The following SLAIN1 variants were observed in gnomAD, a reference collection of about 807,000 sequenced individuals.
The protein encoded by SLAIN1 is SLAIN family member 1, also known as SLAIN motif-containing protein 1.
SLAIN1 carries 17 observed loss-of-function variants against 55.4 expected under a neutral mutation model. That is an observed-to-expected ratio of 0.31 (90% CI 0.21 to 0.46). The LOEUF (loss-of-function observed/expected upper bound fraction) is 0.46. Ranked by LOEUF, SLAIN1 falls within the 20% of genes least tolerant of loss-of-function variation. The pLI is 1.00. For synonymous variants in SLAIN1, 348 were observed against 337.4 expected (o/e 1.03, Z -0.35); for missense variants, 682 against 785.1 (o/e 0.87, Z 1.57).
chr13:77,702,402 A>G (rs1338564524), intron 1 of SLAIN1, among the ~76,000 whole-genome samples: 2 of 152,138 alleles, frequency 1.3e-5, no homozygotes, highest in Non-Finnish European at 2.9e-5. Context: ...CATACATGGG[A>G]CACAGTGTGA....
At chr13:77,730,065 T>A (rs887902221) in intron 2 of SLAIN1, among the ~76,000 whole-genome samples, 1 of 152,058 alleles carries the variant, frequency 6.6e-6, no homozygotes, top group Non-Finnish European at 1.5e-5. Context: ...AGCAATAGCA[T>A]GTGGAAAGGC....
Position 77,698,192 on chromosome 13 carries a change from A to G in SLAIN1, c.279A>G (p.Ser93=). The G allele has an allele frequency of 1.7e-6, 2 of 1,207,420 alleles. No homozygotes were observed. The highest frequency in any genetic ancestry group is 2.1e-6 in the Non-Finnish European group (2 of 975,354). The allele number at this position is 1,207,420 out of a possible 1,614,324, so 74.8% of individuals were successfully genotyped here. The change falls in exon 1 of 7, where the codon TCA becomes TCG. Residue 93 remains serine (S), a synonymous_variant. Coordinates refer to ENST00000418532, the MANE Select transcript of SLAIN1 (RefSeq NM_001242868.2). The surrounding 1 kb of genome is among the most constrained non-coding windows in gnomAD (Gnocchi z 4.1). ...PPAATATAAA[S]GGLGLGLALG... The stretch of plus-strand genomic sequence containing the variant: ...CCGCCACGGCCACCGCCGCGGCCTC[A>G]GGGGGCCTGGGGCTCGGGCTGGCGC...
chr13:77,724,394 C>T (rs1345252561), intron 2 of SLAIN1, among the ~76,000 whole-genome samples: 1 of 152,122 alleles, frequency 6.6e-6, no homozygotes, highest in Non-Finnish European at 1.5e-5. Flanking sequence ...CAGAGGATGT[C>T]AAAACCCAAG....
intron 2 of SLAIN1, among the ~76,000 whole-genome samples, chr13:77,727,158 CAACAAAGCTCAGT>C (rs1174187946): frequency 6.6e-6 from 1 of 152,164 alleles, no homozygotes; most frequent in Non-Finnish European, 1.5e-5. Flanking sequence ...ATGCAGTCTT[CAACAAAGCTCAGT>C]ATCTTGGTTG....
At chr13:77,700,576 A>G (rs949423864) in intron 1 of SLAIN1, among the ~76,000 whole-genome samples, 2 of 152,182 alleles carry the variant, frequency 1.3e-5, no homozygotes, top group Non-Finnish European at 2.9e-5. Flanking sequence ...TTGCATTGCA[A>G]ATCTTTTTGA....
In SLAIN1 at chr13:77,761,061, A is replaced by G. The variant is rs774013894; in HGVS notation, c.1648A>G (p.Ile550Val). ...RSALPRPSLA[I>V]NGSNLPRSKI... Reference sequence around the variant, plus strand: ...TGCACTCCCAAGACCTTCGTTGGCAATAAATGGGAGTAACCTGCCTCGAAG... The same window carrying G: ...TGCACTCCCAAGACCTTCGTTGGCAGTAAATGGGAGTAACCTGCCTCGAAG... Residue 550 changes from isoleucine to valine, a missense_variant, in exon 6 of 7, where the codon ATA becomes GTA. Around this residue, in one of 3 missense-constraint regions of SLAIN1, gnomAD observed 244 missense variants for 295.2 expected, o/e 0.83. Transcript: ENST00000418532. 42 of 1,614,190 alleles carry G rather than the reference A, an allele frequency of 2.6e-5. No individual in the cohort carries two copies. The highest frequency in any genetic ancestry group is 3.1e-5 in the Non-Finnish European group (37 of 1,180,010).
chr13:77,703,199 C>A (rs1352757592), intron 1 of SLAIN1, among the ~76,000 whole-genome samples: 1 of 151,922 alleles, frequency 6.6e-6, no homozygotes, highest in Admixed American at 6.6e-5. Context: ...CTGGGAAAGA[C>A]AATGGAAAAG....
intron 2 of SLAIN1, among the ~76,000 whole-genome samples, chr13:77,721,579 C>T (rs2091262592): frequency 6.6e-6 from 1 of 151,902 alleles, no homozygotes; most frequent in Non-Finnish European, 1.5e-5. Context: ...TCCTTTATCT[C>T]AGGGGTCAAC....
rs1168135779 is a variant in SLAIN1 at position 77,763,217 on chromosome 13, C to G, written c.1770C>G (p.Tyr590Ter). Residue 590 changes from tyrosine to a stop codon, truncating the protein, a stop_gained, in exon 7 of 7, where the codon TAC (tyrosine) becomes TAG (stop). Coordinates refer to ENST00000418532, the MANE Select transcript of SLAIN1 (RefSeq NM_001242868.2). LOFTEE classifies it high-confidence loss of function. ...LRDGNWRDGC[Y>*] ...ATGGAAATTGGAGAGATGGTTGCTACTAATGCAGTTTTATGTACCCTTGAA... is the reference window on the plus strand; with the variant it reads ...ATGGAAATTGGAGAGATGGTTGCTAGTAATGCAGTTTTATGTACCCTTGAA... 3.7e-6 allele frequency: 6 copies of G among 1,613,242 alleles called. No homozygotes were observed. Among genetic ancestry groups the G allele is most frequent in the Non-Finnish European group, 5.1e-6 (6 of 1,179,330 alleles).
chr13:77,718,545 C>T (rs570117030), intron 1 of SLAIN1, among the ~76,000 whole-genome samples: 28 of 152,158 alleles, frequency 1.8e-4, no homozygotes, highest in African/African-American at 6.3e-4. Flanking sequence ...ATAAATTACT[C>T]TAATAGGTGA....
At chr13:77,719,048 A>G (rs991418928) in intron 1 of SLAIN1, among the ~76,000 whole-genome samples, 2 of 152,182 alleles carry the variant, frequency 1.3e-5, no homozygotes, top group Admixed American at 6.6e-5. Context: ...TAAGGGTTCA[A>G]AGAATCAAGT....
Position 77,697,882 on chromosome 13 carries a change from C to G in SLAIN1, c.-32C>G, listed in dbSNP as rs956342236. The G allele has an allele frequency of 1.5e-6, 2 of 1,322,696 alleles. No individual in the cohort carries two copies. Among genetic ancestry groups the G allele is most frequent in the African/African-American group, 3.1e-5 (2 of 63,656 alleles). 81.9% of individuals were successfully genotyped at this position (1,322,696 alleles called of 1,614,324 possible). On this transcript the variant is annotated 5_prime_UTR_variant, in exon 1 of 7. Coordinates refer to ENST00000418532, the MANE Select transcript of SLAIN1 (RefSeq NM_001242868.2). ...AGGAGCCGGCGCGGCGGCGCGCACT[C>G]CCCGGCGGCCGCGGCGCCCTCGGGG... is the stretch of plus-strand genomic sequence containing the variant.
chr13:77,723,345 A>G (rs1380457926), intron 2 of SLAIN1, among the ~76,000 whole-genome samples: 1 of 152,144 alleles, frequency 6.6e-6, no homozygotes, highest in Non-Finnish European at 1.5e-5. Flanking sequence ...CTTCAGTGCT[A>G]TATTACCTGC....
intron 2 of SLAIN1, among the ~76,000 whole-genome samples, chr13:77,740,582 T>A (rs1045001419): frequency 6.8e-6 from 1 of 147,942 alleles, no homozygotes; most frequent in Non-Finnish European, 1.5e-5. Flanking sequence ...ATAGGGAAAT[T>A]TAACTGTTGT....
At chr13:77,748,839 G>A (rs1411815952) in intron 4 of SLAIN1, among the ~76,000 whole-genome samples, 1 of 152,062 alleles carries the variant, frequency 6.6e-6, no homozygotes, top group African/African-American at 2.4e-5. Flanking sequence ...CTAAAATGTG[G>A]ACAAGATGAT....
Position 77,744,304 on chromosome 13 carries a change from C to A in SLAIN1, c.788C>A (p.Pro263Gln). Reference protein sequence around the residue: ...LEQGYTSRGSPLSPQSSIDSE... With the variant: ...LEQGYTSRGSQLSPQSSIDSE... The stretch of plus-strand genomic sequence containing the variant: ...TCAGGTTACACTTCCAGGGGCTCCC[C>A]ACTCAGTCCCCAGTCATCTATCGAC... The change falls in exon 3 of 7, where the codon CCA becomes CAA. Residue 263 changes from proline to glutamine, a missense_variant. By Grantham distance (76) the Pro-to-Gln change is moderately conservative. Transcript: ENST00000418532. The A allele has an allele frequency of 6.2e-7, 1 of 1,612,718 alleles. No homozygotes were observed.
intron 1 of SLAIN1, among the ~76,000 whole-genome samples, chr13:77,710,542 C>G (rs1236079666): frequency 6.6e-6 from 1 of 152,192 alleles, no homozygotes; most frequent in East Asian, 1.9e-4. Flanking sequence ...GAAGAGCTAA[C>G]TATCCTAAAT....
In SLAIN1 at chr13:77,697,904, G is replaced by C. The variant is rs763557789; in HGVS notation, c.-10G>C. 1.9e-5 allele frequency: 26 copies of C among 1,369,854 alleles called. No individual in the cohort carries two copies. Among genetic ancestry groups the C allele is most frequent in the East Asian group, 3.5e-5 (1 of 28,588 alleles). The allele number at this position is 1,369,854 out of a possible 1,614,324, so 84.9% of individuals were successfully genotyped here. A position where few individuals can be genotyped will look rare whatever the true frequency, so the allele number is the denominator to read the frequency against. ...ACTCCCCGGCGGCCGCGGCGCCCTCGGGGCCCACGATGATGGCGGAGCAGG... is the reference window on the plus strand; with the variant it reads ...ACTCCCCGGCGGCCGCGGCGCCCTCCGGGCCCACGATGATGGCGGAGCAGG... On this transcript the variant is annotated 5_prime_UTR_variant, in exon 1 of 7. Transcript: ENST00000418532.
intron 5 of SLAIN1, among the ~76,000 whole-genome samples, chr13:77,758,706 T>C (rs1379907647): frequency 6.6e-6 from 1 of 152,192 alleles, no homozygotes; most frequent in African/African-American, 2.4e-5. Flanking sequence ...TTTATGTTTT[T>C]GTATGCTTTA....
Sources: gnomAD v4.1 joint callset for allele counts (sites outside exome capture counted in the v4.1 genomes callset) on GRCh38, gnomAD v4.1.1 for gene constraint, gnomAD v4.1.1 regional missense constraint, Gnocchi (gnomAD v3.1) non-coding constraint, MANE v1.5 for transcripts, NCBI Gene and HGNC (gene_info 2026-07-23, HGNC 2026-07-21) for gene names.